WDR59: variants seen among roughly 807,000 people sequenced by gnomAD.
WDR59 encodes GATOR2 complex protein WDR59.
A neutral mutation model predicts 131.2 loss-of-function variants in WDR59; 100 were observed. That is an observed-to-expected ratio of 0.76 (90% CI 0.65 to 0.90). The LOEUF (loss-of-function observed/expected upper bound fraction) is 0.90, where lower values mean the gene tolerates loss of function less well. Ranked by LOEUF, WDR59 falls within the 40% of genes least tolerant of loss-of-function variation. The pLI, the probability that WDR59 is intolerant of heterozygous loss-of-function variation, is 0.00. For synonymous variants in WDR59, 601 were observed against 466.2 expected (o/e 1.29, Z -3.72); for missense variants, 1,203 against 1,262.2 (o/e 0.95, Z 0.71).
intron 21 of WDR59, 41 bp from the exon 22 acceptor site, chr16:74,888,360 G>C (rs772336193): frequency 1.9e-6 from 3 of 1,588,390 alleles, no homozygotes; most frequent in Admixed American, 1.8e-5. Flanking sequence ...GTCAGGAGGA[G>C]GGATTGAGGA....
chr16:74,958,592 C>CAAAAAAAA lies in WDR59; in HGVS notation c.105-1990_105-1983dup, dbSNP rs747175030. Among the ~76,000 whole-genome samples, 351 of 13,234 alleles carry CAAAAAAAA rather than the reference C, an allele frequency of 0.027. 85 individuals carry two copies. The East Asian group carries it at 0.31, about 12-fold the overall frequency. 8.7% of individuals were successfully genotyped at this position (13,234 alleles called of 152,430 possible). Reference sequence around the variant, plus strand: ...TGGGGGACAGGCTGAGACTCCATCTCAAAAAAAAAAAAAAAAAAAAAAAAA... The same window carrying CAAAAAAAA: ...TGGGGGACAGGCTGAGACTCCATCTCAAAAAAAAAAAAAAAAAAAAAAAAAAAAAAAAA... On this transcript the variant is annotated intron_variant, in intron 2 of 25. Transcript: ENST00000262144.
At chr16:74,915,701 G>T in intron 13 of WDR59, 169 bp downstream of exon 13, 3 of 890,608 alleles carry the variant, frequency 3.4e-6, no homozygotes, top group Non-Finnish European at 5.0e-6. Context: ...TGGGATTACA[G>T]GCGTGAGCCA....
At chr16:74,922,165 G>C in intron 9 of WDR59, 62 bp from the exon 10 acceptor site, 1 of 1,585,586 alleles carries the variant, frequency 6.3e-7, no homozygotes, top group Admixed American at 1.8e-5. Context: ...GCTGAGTCTT[G>C]AGTTTCCAAA....
At position 74,985,096 on chromosome 16, in the gene WDR59, C is replaced by T. The variant is rs2034574234; in HGVS notation, c.-79G>A. On this transcript the variant is annotated 5_prime_UTR_variant, in exon 1 of 26. Transcript: ENST00000262144. ...CCCAGTATCCCGGGACCGTGCGCCC[C>T]ACACAGCCAGAGAATCAGCCCCGAC... 7 of 1,403,316 alleles carry T rather than the reference C, an allele frequency of 5.0e-6. No individual in the cohort carries two copies. Among genetic ancestry groups the T allele is most frequent in the Non-Finnish European group, 6.9e-6 (7 of 1,015,428 alleles). The allele number at this position is 1,403,316 out of a possible 1,614,324, so 86.9% of individuals were successfully genotyped here. A position where few individuals can be genotyped will look rare whatever the true frequency, so the allele number is the denominator to read the frequency against.
At chr16:74,894,605 G>A (rs1479241151) in intron 18 of WDR59, among the ~76,000 whole-genome samples, 2 of 152,086 alleles carry the variant, frequency 1.3e-5, no homozygotes, top group Non-Finnish European at 2.9e-5. Flanking sequence ...AGTTAAAAAG[G>A]GGGTCACCAA....
At chr16:74,975,714 G>A (rs1287185895) in intron 1 of WDR59, among the ~76,000 whole-genome samples, 1 of 151,474 alleles carries the variant, frequency 6.6e-6, no homozygotes, top group African/African-American at 2.4e-5. Flanking sequence ...AAAGAAAACT[G>A]AAGCTTAGAA....
intron 8 of WDR59, among the ~76,000 whole-genome samples, chr16:74,931,662 C>A (rs979623651): frequency 3.3e-5 from 5 of 152,050 alleles, no homozygotes; most frequent in African/African-American, 1.2e-4. Context: ...ATAAGGATCA[C>A]AAGAGCTGAG....
chr16:74,977,680 T>C (rs1163625057), intron 1 of WDR59, among the ~76,000 whole-genome samples: 1 of 152,110 alleles, frequency 6.6e-6, no homozygotes, highest in African/African-American at 2.4e-5. Flanking sequence ...AGAGCAAGAT[T>C]CTGTCTCAAA....
chr16:74,964,846 T>C (rs547533640), intron 2 of WDR59, among the ~76,000 whole-genome samples: 1 of 152,142 alleles, frequency 6.6e-6, no homozygotes, highest in South Asian at 2.1e-4. Context: ...GTAGATCACC[T>C]GAGGTCAGGA....
At chr16:74,963,220 T>A (rs999433364) in intron 2 of WDR59, 1 of 151,958 alleles carries the variant, frequency 6.6e-6, no homozygotes, top group Non-Finnish European at 1.5e-5. Flanking sequence ...GCCACTGCAC[T>A]CCAGCCTGGG....
intron 3 of WDR59, among the ~76,000 whole-genome samples, chr16:74,952,193 G>A (rs1396452430): frequency 6.6e-6 from 1 of 151,830 alleles, no homozygotes; most frequent in Non-Finnish European, 1.5e-5. Context: ...GGTGGCTCAT[G>A]CCTGTAATCC....
intron 2 of WDR59, among the ~76,000 whole-genome samples, 186 bp downstream of exon 2, chr16:74,965,587 A>G (rs575999180): frequency 3.3e-5 from 5 of 152,224 alleles, no homozygotes; most frequent in Middle Eastern, 3.2e-3. Flanking sequence ...TTGCTTACCT[A>G]TTAGGGCAGA....
chr16:74,922,992 A>C (rs1013623429), intron 9 of WDR59, among the ~76,000 whole-genome samples: 1 of 151,998 alleles, frequency 6.6e-6, no homozygotes, highest in Non-Finnish European at 1.5e-5. Context: ...ATTATCTCTC[A>C]CCCGTGTGGC....
chr16:74,889,828 A>T lies in WDR59; in HGVS notation c.2083-13T>A, dbSNP rs1012876553. The stretch of plus-strand genomic sequence containing the variant: ...CCAGCGACCAAACCTGGACAGATCA[A>T]AGAGAAATACAAACTCAAACTGGCA... On this transcript the variant is annotated splice_polypyrimidine_tract_variant and intron_variant, in intron 20 of 25. Transcript: ENST00000262144. 13 of 1,597,152 alleles carry T rather than the reference A, an allele frequency of 8.1e-6. No individual in the cohort carries two copies. Among genetic ancestry groups the T allele is most frequent in the Admixed American group, 5.3e-5 (3 of 57,040 alleles).
At chr16:74,883,129 A>G (rs964252347) in intron 25 of WDR59, among the ~76,000 whole-genome samples, 2 of 145,186 alleles carry the variant, frequency 1.4e-5, no homozygotes, top group Non-Finnish European at 3.0e-5. Context: ...AGCTCAAGTG[A>G]TCCTCCTGCC....
chr16:74,894,849 A>C (rs1965215384), intron 18 of WDR59, among the ~76,000 whole-genome samples: 1 of 152,196 alleles, frequency 6.6e-6, no homozygotes, highest in South Asian at 2.1e-4. Context: ...TGTTGTTCCA[A>C]TCTCACAAGA....
At chr16:74,932,466 CAACT>C (rs2031474440) in intron 8 of WDR59, among the ~76,000 whole-genome samples, 1 of 136,928 alleles carries the variant, frequency 7.3e-6, no homozygotes, top group Non-Finnish European at 1.6e-5. Flanking sequence ...CACACACACA[CAACT>C]ATCCTGGCTC....
At chr16:74,921,908 G>A (rs17673242) in intron 10 of WDR59, 39 bp downstream of exon 10, 29,499 of 1,601,562 alleles carry the variant, frequency 0.018, 336 homozygotes, top group South Asian at 0.033. Context: ...TGTCACCAGA[G>A]CTCAGAAGGA....
intron 1 of WDR59, among the ~76,000 whole-genome samples, chr16:74,967,118 A>G (rs1243788691): frequency 6.6e-6 from 1 of 152,004 alleles, no homozygotes; most frequent in East Asian, 1.9e-4. Flanking sequence ...TCTTTCCCTC[A>G]CCCTCGCTGG....
Sources: gnomAD v4.1 joint callset for allele counts (sites outside exome capture counted in the v4.1 genomes callset) on GRCh38, gnomAD v4.1.1 for gene constraint, MANE v1.5 for transcripts, NCBI Gene and HGNC (gene_info 2026-07-23, HGNC 2026-07-21) for gene names.